The following PRIM2 variants were observed in gnomAD, a reference collection of about 807,000 sequenced individuals.
The protein encoded by PRIM2 is DNA primase large subunit.
A neutral mutation model predicts 67.3 loss-of-function variants in PRIM2; 39 were observed. The observed-to-expected ratio is 0.58, with a 90% CI of 0.45 to 0.76. The LOEUF is 0.76. PRIM2 is among the 30% of genes least tolerant of loss of function. The probability of loss-of-function intolerance (pLI) is 0.00; values close to 1 mark genes in which losing one functional copy is unlikely to be tolerated. For missense variants in PRIM2, 398 were observed against 598.7 expected (o/e 0.66, Z 3.50); for synonymous variants, 143 against 198.7 (o/e 0.72, Z 2.36).
chr6:57,511,285 T>C (rs1273332298), intron 8 of PRIM2, among the ~76,000 whole-genome samples: 2 of 152,154 alleles, frequency 1.3e-5, no homozygotes, highest in African/African-American at 4.8e-5. Context: ...AAAAACATCG[T>C]GCTTCAATAT....
intron 7 of PRIM2, among the ~76,000 whole-genome samples, chr6:57,446,940 AC>A (rs1000782980): frequency 7.9e-4 from 120 of 152,256 alleles, no homozygotes; most frequent in Non-Finnish European, 1.5e-3. Flanking sequence ...CCCTTGTGGT[AC>A]CTCTTGGGAG....
chr6:57,543,662 T>C (rs1359752556), intron 10 of PRIM2, among the ~76,000 whole-genome samples: 3 of 152,224 alleles, frequency 2.0e-5, no homozygotes, highest in Non-Finnish European at 4.4e-5. Context: ...TTACCCTAAC[T>C]TCTAATGCAG....
chr6:57,251,131 T>C, the PRIM2 span, among the ~76,000 whole-genome samples: 2 of 152,172 alleles, frequency 1.3e-5, no homozygotes, highest in East Asian at 1.9e-4. Flanking sequence ...TCCTATTACA[T>C]TGAAGCTAAA....
chr6:57,375,879 C>T (rs1277635753), intron 5 of PRIM2, among the ~76,000 whole-genome samples: 5 of 151,792 alleles, frequency 3.3e-5, no homozygotes, highest in Non-Finnish European at 7.4e-5. Flanking sequence ...TGAGACTAGG[C>T]TGGGTAACAT....
At chr6:57,339,508 A>C (rs1451635214) in intron 5 of PRIM2, among the ~76,000 whole-genome samples, 3 of 152,138 alleles carry the variant, frequency 2.0e-5, no homozygotes, top group Non-Finnish European at 4.4e-5. Flanking sequence ...CAAAACAGAG[A>C]TATAGATCAA....
chr6:57,286,855 T>C, the PRIM2 span, among the ~76,000 whole-genome samples: 9 of 152,156 alleles, frequency 5.9e-5, no homozygotes, highest in Non-Finnish European at 1.2e-4. Context: ...TTGCAATCTA[T>C]GCATTTGACA....
intron 13 of PRIM2, among the ~76,000 whole-genome samples, chr6:57,636,302 T>C (rs1387009816): frequency 1.3e-5 from 2 of 152,176 alleles, no homozygotes; most frequent in Admixed American, 6.6e-5. Flanking sequence ...AAGAAATAAG[T>C]AAAATGGAGG....
the PRIM2 span, among the ~76,000 whole-genome samples, chr6:57,304,057 T>A: frequency 6.6e-6 from 1 of 152,210 alleles, no homozygotes; most frequent in East Asian, 1.9e-4. Context: ...TATCTATGCT[T>A]ACCAGTACAT....
intron 10 of PRIM2, among the ~76,000 whole-genome samples, chr6:57,571,834 C>T (rs1775868800): frequency 6.6e-6 from 1 of 152,132 alleles, no homozygotes; most frequent in African/African-American, 2.4e-5. Flanking sequence ...ATTCATAACC[C>T]CATTTCTAGT....
chr6:57,394,272 A>G (rs899574513), intron 7 of PRIM2, among the ~76,000 whole-genome samples: 1 of 152,110 alleles, frequency 6.6e-6, no homozygotes, highest in Non-Finnish European at 1.5e-5. Context: ...TTTTCACAAT[A>G]TTGATTTTTC....
Position 57,601,201 on chromosome 6 carries a change from A to G in PRIM2, c.1129A>G (p.Ser377Gly). ...GAAGATTATTCTGTCCAATCCACCAAGCCAAGGGGATTATCATGGTAAGTG... is the reference window on the plus strand; with the variant it reads ...GAAGATTATTCTGTCCAATCCACCAGGCCAAGGGGATTATCATGGTAAGTG... ...CLKIILSNPP[S>G]QGDYHGCPFR... Residue 377 changes from serine (S) to glycine (G), a missense_variant, in exon 11 of 14, where the codon AGC becomes GGC. Coordinates refer to ENST00000615550, the MANE Select transcript of PRIM2 (RefSeq NM_000947.5). 1.2e-6 allele frequency: 2 copies of G among 1,608,458 alleles called. No individual in the cohort carries two copies. Among genetic ancestry groups the G allele is most frequent in the Non-Finnish European group, 8.5e-7 (1 of 1,177,824 alleles).
intron 8 of PRIM2, among the ~76,000 whole-genome samples, chr6:57,512,896 A>G (rs1554347851): frequency 2.6e-5 from 4 of 151,916 alleles, no homozygotes; most frequent in Non-Finnish European, 4.4e-5. Flanking sequence ...CGTGCTCACC[A>G]TGCACCAGCC....
the PRIM2 span, among the ~76,000 whole-genome samples, chr6:57,231,867 C>A: frequency 2.9e-5 from 4 of 138,918 alleles, no homozygotes; most frequent in African/African-American, 1.0e-4. Flanking sequence ...AAAAAAAAAA[C>A]CACTAGTACA....
the PRIM2 span, among the ~76,000 whole-genome samples, chr6:57,252,671 C>G: frequency 6.6e-6 from 1 of 152,202 alleles, no homozygotes; most frequent in African/African-American, 2.4e-5. Context: ...GAACTCCTGA[C>G]CTCAGGTGGG....
Position 57,570,751 on chromosome 6 carries a change from A to T in PRIM2, c.1021-30342A>T, listed in dbSNP as rs1775846768. On this transcript the variant is annotated intron_variant, in intron 10 of 13. Coordinates refer to ENST00000615550, the MANE Select transcript of PRIM2 (RefSeq NM_000947.5). ...GCCAAACAGTAAATCACAAATTTTG[A>T]ACTATGCATTCAAGATTATTGAATT... is the stretch of plus-strand genomic sequence containing the variant. Among the ~76,000 whole-genome samples the T allele has an allele frequency of 2.0e-5, 3 of 152,290 alleles. No homozygotes were observed. In the South Asian group the frequency reaches 6.2e-4, roughly 32 times the overall value.
intron 5 of PRIM2, among the ~76,000 whole-genome samples, chr6:57,351,679 T>C (rs1445376224): frequency 6.6e-6 from 1 of 152,072 alleles, no homozygotes; most frequent in East Asian, 1.9e-4. Flanking sequence ...GTTAGGATAG[T>C]ATATTTGATG....
At chr6:57,452,882 T>A (rs1417946037) in intron 7 of PRIM2, among the ~76,000 whole-genome samples, 3 of 152,196 alleles carry the variant, frequency 2.0e-5, no homozygotes, top group Non-Finnish European at 2.9e-5. Flanking sequence ...CTGAATGGTA[T>A]TGCCTAGGTT....
chr6:57,255,470 C>T, the PRIM2 span, among the ~76,000 whole-genome samples: 3 of 150,472 alleles, frequency 2.0e-5, no homozygotes, highest in Admixed American at 6.7e-5. Flanking sequence ...TGCACTCCAG[C>T]CTGGGCAACA....
At chr6:57,235,804 G>A in the PRIM2 span, among the ~76,000 whole-genome samples, 1 of 152,194 alleles carries the variant, frequency 6.6e-6, no homozygotes, top group Non-Finnish European at 1.5e-5. Flanking sequence ...TGACACAGAA[G>A]CAGAGGTCAG....
Sources: gnomAD v4.1 joint callset for allele counts (sites outside exome capture counted in the v4.1 genomes callset) on GRCh38, gnomAD v4.1.1 for gene constraint, MANE v1.5 for transcripts, NCBI Gene and HGNC (gene_info 2026-07-23, HGNC 2026-07-21) for gene names.